Variants in CASD1 observed in about 807,000 individuals in gnomAD.
CASD1 encodes the protein N-acetylneuraminate (7)9-O-acetyltransferase.
In CASD1, 41 loss-of-function variants were observed where a neutral mutation model predicts 100.0. That is an observed-to-expected ratio of 0.41 (90% confidence interval 0.32 to 0.53). CASD1 has a LOEUF of 0.53. Ranked by LOEUF, CASD1 falls within the 20% of genes least tolerant of loss-of-function variation. CASD1 has a pLI of 0.25. For missense variants in CASD1, 774 were observed against 948.7 expected (o/e 0.82, Z 2.42); for synonymous variants, 321 against 315.6 (o/e 1.02, Z -0.18).
chr7:94,605,037 A>G, the CASD1 span, among the ~76,000 whole-genome samples: 1 of 151,544 alleles, frequency 6.6e-6, no homozygotes, highest in Non-Finnish European at 1.5e-5. Context: ...CCTGACCACC[A>G]TATTACTAAA....
intron 8 of CASD1, among the ~76,000 whole-genome samples, chr7:94,537,196 G>A (rs1429770397): frequency 6.6e-6 from 1 of 151,976 alleles, no homozygotes; most frequent in African/African-American, 2.4e-5. Flanking sequence ...TGCATTCCAA[G>A]TCGTAAGGAT....
At chr7:94,606,652 T>A in the CASD1 span, among the ~76,000 whole-genome samples, 1 of 152,322 alleles carries the variant, frequency 6.6e-6, no homozygotes, top group East Asian at 1.9e-4. Context: ...TAGAGACTAC[T>A]TCATCCAAAA....
chr7:94,599,959 G>A, the CASD1 span: 34,026 of 379,626 alleles, frequency 0.09, 1,927 homozygotes, highest in East Asian at 0.22. Flanking sequence ...AAGAATCAAG[G>A]CCTTGATTGA....
chr7:94,600,231 C>T, the CASD1 span: 1 of 203,728 alleles, frequency 4.9e-6, no homozygotes, highest in East Asian at 1.3e-4. Context: ...AATTGTGTTA[C>T]CCTGTTTGAC....
chr7:94,612,160 C>T, the CASD1 span, among the ~76,000 whole-genome samples: 1 of 152,014 alleles, frequency 6.6e-6, no homozygotes, highest in Non-Finnish European at 1.5e-5. Context: ...CTTGCTTAGA[C>T]AAGACATTGA....
Position 94,509,978 on chromosome 7 carries a change from G to A in CASD1, c.-107G>A. On this transcript the variant is annotated 5_prime_UTR_variant, in exon 1 of 18. Coordinates refer to ENST00000297273, the MANE Select transcript of CASD1 (RefSeq NM_022900.5). ...GGAGGCGCAGGTGGCGGCCTGGGGAGCTGGCGGCCGCTCCTCGCCTGGCTG... is the reference window on the plus strand; with the variant it reads ...GGAGGCGCAGGTGGCGGCCTGGGGAACTGGCGGCCGCTCCTCGCCTGGCTG... 2 of 1,239,434 alleles carry A rather than the reference G, an allele frequency of 1.6e-6. No homozygotes were observed. The highest frequency in any genetic ancestry group is 3.3e-5 in the East Asian group (1 of 29,984). The allele number at this position is 1,239,434 out of a possible 1,614,324, so 76.8% of individuals were successfully genotyped here.
chr7:94,601,760 T>C, the CASD1 span, among the ~76,000 whole-genome samples: 1 of 152,136 alleles, frequency 6.6e-6, no homozygotes, highest in African/African-American at 2.4e-5. Context: ...TTTTTAAAAA[T>C]GAGAACTAAA....
intron 11 of CASD1, 65 bp from the exon 12 acceptor site, chr7:94,545,480 T>C: frequency 5.5e-6 from 7 of 1,282,160 alleles, no homozygotes; most frequent in Non-Finnish European, 7.7e-6. Flanking sequence ...GCCTTTGCTG[T>C]TCGTGTGTAC....
chr7:94,630,345 T>C, the CASD1 span, among the ~76,000 whole-genome samples: 39 of 151,870 alleles, frequency 2.6e-4, no homozygotes, highest in Admixed American at 4.6e-4. Context: ...TCAATACATG[T>C]AATGCGGTTT....
At chr7:94,571,632 C>G in the CASD1 span, among the ~76,000 whole-genome samples, 1 of 152,188 alleles carries the variant, frequency 6.6e-6, no homozygotes, top group African/African-American at 2.4e-5. Flanking sequence ...ACAGAACTCA[C>G]AAATGGTAAA....
At chr7:94,513,413 C>G (rs1793817782) in intron 1 of CASD1, among the ~76,000 whole-genome samples, 1 of 151,716 alleles carries the variant, frequency 6.6e-6, no homozygotes, top group African/African-American at 2.4e-5. Context: ...CCTGAGCCTA[C>G]TTTTTGTTAC....
intron 17 of CASD1, among the ~76,000 whole-genome samples, chr7:94,555,015 G>A (rs1796135929): frequency 6.6e-6 from 1 of 152,016 alleles, no homozygotes; most frequent in South Asian, 2.1e-4. Context: ...ATTGGAAATT[G>A]TGGGAGAAAG....
the CASD1 span, among the ~76,000 whole-genome samples, chr7:94,604,550 A>G: frequency 6.6e-6 from 1 of 151,286 alleles, no homozygotes; most frequent in Non-Finnish European, 1.5e-5. Flanking sequence ...AGACAGATCA[A>G]TGGAATAGAA....
the CASD1 span, chr7:94,625,722 A>G: frequency 2.6e-5 from 4 of 152,198 alleles, no homozygotes; most frequent in African/African-American, 9.6e-5. Flanking sequence ...GGGCAAGCTT[A>G]AGTTCACTAT....
intron 3 of CASD1, among the ~76,000 whole-genome samples, chr7:94,526,246 T>C (rs1794559112): frequency 6.6e-6 from 1 of 152,212 alleles, no homozygotes; most frequent in Non-Finnish European, 1.5e-5. Flanking sequence ...CAGGCTTTGC[T>C]CCACACAGTC....
intron 10 of CASD1, among the ~76,000 whole-genome samples, chr7:94,543,175 G>A (rs542204352): frequency 6.6e-6 from 1 of 152,312 alleles, no homozygotes; most frequent in African/African-American, 2.4e-5. Flanking sequence ...TTTGCTTAGC[G>A]TGGATGCTGT....
chr7:94,625,202 T>A, the CASD1 span: 2 of 152,044 alleles, frequency 1.3e-5, no homozygotes, highest in African/African-American at 4.8e-5. Flanking sequence ...ACTGAATGAA[T>A]TAGTAGACTT....
chr7:94,632,706 C>G, the CASD1 span, among the ~76,000 whole-genome samples: 1 of 152,168 alleles, frequency 6.6e-6, no homozygotes, highest in East Asian at 1.9e-4. Context: ...TAGAGGAGTG[C>G]CCTTTGCCTT....
At chr7:94,516,509 C>CT (rs1162125347) in intron 1 of CASD1, among the ~76,000 whole-genome samples, 1 of 152,132 alleles carries the variant, frequency 6.6e-6, no homozygotes, top group African/African-American at 2.4e-5. Context: ...CTTAGCCCGA[C>CT]TTTAACTAAA....
Sources: gnomAD v4.1 joint callset for allele counts (sites outside exome capture counted in the v4.1 genomes callset) on GRCh38, gnomAD v4.1.1 for gene constraint, MANE v1.5 for transcripts, NCBI Gene and HGNC (gene_info 2026-07-23, HGNC 2026-07-21) for gene names.